IL12RB1: variants seen among roughly 807,000 people sequenced by gnomAD.
IL12RB1 encodes the protein interleukin-12 receptor subunit beta-1.
Under a neutral mutation model 94.4 loss-of-function variants are expected in IL12RB1, and 64 were observed. The ratio of observed to expected loss-of-function variants is 0.68; its 90% CI spans 0.55 to 0.83. The LOEUF (loss-of-function observed/expected upper bound fraction) is 0.83, where lower values mean the gene tolerates loss of function less well. Ranked by LOEUF, IL12RB1 falls within the 40% of genes least tolerant of loss-of-function variation. IL12RB1 has a pLI of 0.00. For missense variants in IL12RB1, 814 were observed against 855.6 expected (o/e 0.95, Z 0.61); for synonymous variants, 362 against 355.5 (o/e 1.02, Z -0.21).
At chr19:18,090,532 G>A (rs2036584159), upstream of IL12RB1, 2 of 152,300 alleles carry the variant, frequency 1.3e-5, no homozygotes, top group Non-Finnish European at 2.9e-5. Flanking sequence ...GAGATGAAGA[G>A]ATGGATTCAA....
upstream of IL12RB1, among the ~76,000 whole-genome samples, chr19:18,091,151 T>G (rs2036607581): frequency 6.6e-6 from 1 of 151,946 alleles, no homozygotes; most frequent in Non-Finnish European, 1.5e-5. Context: ...GAAGTGGTAT[T>G]TCTCCCCTTA....
rs373093389 is a variant in IL12RB1 at position 18,072,316 on chromosome 19, C to G, written c.817G>C (p.Gly273Arg). Residue 273 changes from glycine to arginine, a missense_variant, in exon 9 of 17, where the codon GGG becomes CGG. Transcript: ENST00000593993. Reference sequence around the variant, plus strand: ...GTGACCTCCGTGCCAGGCGCCAGCCCTTGACAGCCTTCTGGAAGCTCCAGC... The same window carrying G: ...GTGACCTCCGTGCCAGGCGCCAGCCGTTGACAGCCTTCTGGAAGCTCCAGC... The part of the protein sequence containing the change: ...TQLELPEGCQ[G>R]LAPGTEVTYR... 3 of 1,613,862 alleles carry G rather than the reference C, an allele frequency of 1.9e-6. No individual in the cohort carries two copies. In the African/African-American group the frequency reaches 4.0e-5, roughly 22 times the overall value.
At chr19:18,083,666 C>G (rs1012473920) in intron 1 of IL12RB1, among the ~76,000 whole-genome samples, 175 bp from the exon 2 acceptor site, 1 of 150,882 alleles carries the variant, frequency 6.6e-6, no homozygotes, top group Non-Finnish European at 1.5e-5. Flanking sequence ...TTTATCTGCC[C>G]ATCTACCCAT....
At chr19:18,081,116 G>A (rs2035869869) in intron 3 of IL12RB1, 115 bp from the exon 4 acceptor site, 1 of 968,520 alleles carries the variant, frequency 1.0e-6, no homozygotes, top group Non-Finnish European at 1.6e-6. Context: ...TTTGTTTGGA[G>A]ATGGAGTTTC....
In IL12RB1 at chr19:18,082,142, G is replaced by T. The variant is rs764666244; in HGVS notation, c.239+8C>A. ...GTGAGGGTTTGGGAATGGTAGAGGG[G>T]TCCTCACCAACACCGCAGGAAGTGG... is the stretch of plus-strand genomic sequence containing the variant. On this transcript the variant is annotated splice_region_variant and intron_variant, in intron 3 of 16. Coordinates refer to ENST00000593993, the MANE Select transcript of IL12RB1 (RefSeq NM_005535.3). The T allele has an allele frequency of 6.5e-6, 10 of 1,549,094 alleles. No homozygotes were observed. Among genetic ancestry groups the T allele is most frequent in the Non-Finnish European group, 8.0e-6 (9 of 1,121,124 alleles).
At chr19:18,082,112 G>A (rs1170675943) in intron 3 of IL12RB1, 38 bp downstream of exon 3, 1 of 1,278,280 alleles carries the variant, frequency 7.8e-7, no homozygotes, top group Non-Finnish European at 1.1e-6. Flanking sequence ...AGAGTGGGAT[G>A]GTGGGTGAGG....
Position 18,073,502 on chromosome 19 carries a change from T to A in IL12RB1, c.783+15A>T, listed in dbSNP as rs775415515. On this transcript the variant is annotated intron_variant, in intron 8 of 16. Transcript: ENST00000593993. ...CATCCCAGGCCACCCCACAGCCCTG[T>A]GACAGCCCCGTTACCTGCTCTTTCA... The A allele has an allele frequency of 6.4e-7, 1 of 1,557,270 alleles. No homozygotes were observed.
At chr19:18,097,868 C>A in intron 1 of IL12RB1, 4 of 1,222,344 alleles carry the variant, frequency 3.3e-6, no homozygotes, top group Non-Finnish European at 4.1e-6. Context: ...AGGCAGAGGG[C>A]GCGGCCAAGT....
chr19:18,075,382 T>C (rs2035390663), intron 7 of IL12RB1, among the ~76,000 whole-genome samples: 1 of 151,470 alleles, frequency 6.6e-6, no homozygotes, highest in South Asian at 2.1e-4. Context: ...TGCCTCAGCC[T>C]CCCAAGTAGC....
intron 7 of IL12RB1, among the ~76,000 whole-genome samples, chr19:18,074,619 T>C (rs978935425): frequency 3.3e-5 from 5 of 152,072 alleles, no homozygotes; most frequent in African/African-American, 1.2e-4. Flanking sequence ...TGGTGGTGCA[T>C]GCCTGTAAAT....
intron 13 of IL12RB1, among the ~76,000 whole-genome samples, chr19:18,063,076 C>CTTTTT (rs1345434373): frequency 8.1e-4 from 61 of 75,230 alleles, no homozygotes; most frequent in African/African-American, 1.8e-3. Flanking sequence ...TCTTCTTCTT[C>CTTTTT]TATTTTTTTT....
At chr19:18,081,847 A>AATGG (rs3048839) in intron 3 of IL12RB1, among the ~76,000 whole-genome samples, 6,507 of 148,484 alleles carry the variant, frequency 0.044, 410 homozygotes, top group African/African-American at 0.14. Context: ...AAAAAGAAAA[A>AATGG]ATGGATGGAT....
At chr19:18,090,948 G>A (rs1042654295), upstream of IL12RB1, among the ~76,000 whole-genome samples, 2 of 152,126 alleles carry the variant, frequency 1.3e-5, no homozygotes, top group South Asian at 2.1e-4. Context: ...GGGCATCTCC[G>A]GCAGAGGCCA....
chr19:18,096,053 A>G (rs545923805), intron 1 of IL12RB1, among the ~76,000 whole-genome samples: 27 of 151,968 alleles, frequency 1.8e-4, no homozygotes, highest in East Asian at 1.9e-4. Flanking sequence ...GCGGTACTCC[A>G]TCTCTACAAA....
Position 18,069,502 on chromosome 19 carries a change from A to C in IL12RB1, c.1189+44T>G, listed in dbSNP as rs1018715791. On this transcript the variant is annotated intron_variant, in intron 10 of 16. Transcript: ENST00000593993. The stretch of plus-strand genomic sequence containing the variant: ...TTGAACCCACCAGGACCTAAAAGGG[A>C]GGGCACAGAGGAGGGGTAGGCGCAG... The C allele has an allele frequency of 7.8e-6, 12 of 1,542,136 alleles. No homozygotes were observed. In the Middle Eastern group the frequency reaches 6.5e-4, roughly 83 times the overall value.
At position 18,062,275 on chromosome 19, in the gene IL12RB1, C is replaced by T. The variant is rs776936363; in HGVS notation, c.1621G>A (p.Val541Met). Residue 541 changes from valine (V) to methionine (M), a missense_variant and splice_region_variant, in exon 14 of 17, where the codon GTG becomes ATG. Val to Met is a conservative substitution (Grantham distance 21, BLOSUM62 1). Transcript: ENST00000593993. ...AAGATGAGCCAATCAGAAACCTGCA[C>T]TTCTGAGGTGGGAGAGCGTGGGTTG... Reference protein sequence around the residue: ...WSQPQRFSIEVQVSDWLIFFA... With the variant: ...WSQPQRFSIEMQVSDWLIFFA... 1 of 1,605,582 alleles carries T rather than the reference C, an allele frequency of 6.2e-7. No homozygotes were observed.
chr19:18,069,045 C>T (rs1416273290), intron 10 of IL12RB1, among the ~76,000 whole-genome samples: 1 of 152,036 alleles, frequency 6.6e-6, no homozygotes, highest in African/African-American at 2.4e-5. Flanking sequence ...CCACCTTGCC[C>T]GGACAATGGG....
intron 6 of IL12RB1, among the ~76,000 whole-genome samples, chr19:18,076,092 G>A (rs957139961): frequency 9.2e-5 from 14 of 152,058 alleles, no homozygotes; most frequent in Non-Finnish European, 1.6e-4. Context: ...CCATCCCTTC[G>A]GTCGTGACCT....
intron 9 of IL12RB1, among the ~76,000 whole-genome samples, chr19:18,070,064 C>T (rs922962731): frequency 2.0e-5 from 3 of 152,080 alleles, no homozygotes; most frequent in African/African-American, 4.8e-5. Context: ...CACAGGCATG[C>T]GCCACCATTT....
Sources: gnomAD v4.1 joint callset for allele counts (sites outside exome capture counted in the v4.1 genomes callset) on GRCh38, gnomAD v4.1.1 for gene constraint, MANE v1.5 for transcripts, NCBI Gene and HGNC (gene_info 2026-07-23, HGNC 2026-07-21) for gene names.